The following GRID2 variants were observed in gnomAD, a reference collection of about 807,000 sequenced individuals.
The protein encoded by GRID2 is glutamate receptor ionotropic, delta-2.
Under a neutral mutation model 114.8 loss-of-function variants are expected in GRID2, and 33 were observed. The ratio of observed to expected loss-of-function variants is 0.29; its 90% CI spans 0.22 to 0.38. The LOEUF (loss-of-function observed/expected upper bound fraction) is 0.38, where lower values mean the gene tolerates loss of function less well. GRID2 is among the 10% of genes least tolerant of loss of function. GRID2 has a pLI of 1.00. For synonymous variants in GRID2, 505 were observed against 449.9 expected, an observed-to-expected ratio of 1.12 and a Z score of -1.55; for missense variants, 1,184 against 1,257.7, an observed-to-expected ratio of 0.94 and a Z score of 0.89.
In GRID2 at chr4:93,609,180, T is replaced by A. The variant is rs956531890; in HGVS notation, c.2194-17089T>A. 2.9e-5 allele frequency among the ~76,000 whole-genome samples: 3 copies of A among 105,122 alleles called. No homozygotes were observed. In the South Asian group the frequency reaches 9.4e-4, roughly 33 times the overall value. 69.0% of individuals were successfully genotyped at this position (105,122 alleles called of 152,430 possible). ...GATTGTTTGTTTTTTTCTTGTAAATTTGTTTGAGTTCATTGTAGATTCTGG... is the reference window on the plus strand; with the variant it reads ...GATTGTTTGTTTTTTTCTTGTAAATATGTTTGAGTTCATTGTAGATTCTGG... On this transcript the variant is annotated intron_variant, in intron 13 of 15. Transcript: ENST00000282020.
chr4:92,395,539 C>T (rs1308438554), intron 1 of GRID2, among the ~76,000 whole-genome samples: 1 of 151,564 alleles, frequency 6.6e-6, no homozygotes, highest in African/African-American at 2.4e-5. Context: ...TAAGCACAAC[C>T]AAAGCTCAAC....
intron 13 of GRID2, among the ~76,000 whole-genome samples, chr4:93,620,064 A>G (rs1041526125): frequency 2.0e-5 from 3 of 152,176 alleles, no homozygotes; most frequent in Non-Finnish European, 2.9e-5. Flanking sequence ...GCAAGTTACA[A>G]TTACCTCACC....
intron 13 of GRID2, among the ~76,000 whole-genome samples, chr4:93,574,365 A>G (rs1423112318): frequency 1.2e-4 from 19 of 152,158 alleles, no homozygotes; most frequent in Admixed American, 1.2e-3. Flanking sequence ...ATCTTATTAA[A>G]ATGGCTGTGG....
intron 1 of GRID2, among the ~76,000 whole-genome samples, chr4:92,496,409 A>G (rs546735562): frequency 8.6e-5 from 13 of 152,010 alleles, no homozygotes; most frequent in Middle Eastern, 3.4e-3. Context: ...ATGAGCAGTA[A>G]AGAAGGTCTG....
At chr4:93,066,100 G>A (rs13126969) in intron 2 of GRID2, among the ~76,000 whole-genome samples, 58,741 of 151,522 alleles carry the variant, frequency 0.39, 11,784 homozygotes, top group Middle Eastern at 0.53. Context: ...TAGAACCAGA[G>A]TTAATACTCA....
chr4:92,616,290 G>A (rs1387811155), intron 2 of GRID2, among the ~76,000 whole-genome samples: 2 of 151,312 alleles, frequency 1.3e-5, no homozygotes. Flanking sequence ...ATTTGTTTAA[G>A]CAGTGTCTTT....
chr4:92,938,139 A>G (rs1003268241), intron 2 of GRID2, among the ~76,000 whole-genome samples: 1 of 146,920 alleles, frequency 6.8e-6, no homozygotes, highest in African/African-American at 2.4e-5. Context: ...AATATGGTAT[A>G]GTACATTGAT....
intron 2 of GRID2, among the ~76,000 whole-genome samples, chr4:92,916,062 C>T (rs534428021): frequency 6.6e-6 from 1 of 152,186 alleles, no homozygotes; most frequent in South Asian, 2.1e-4. Flanking sequence ...TGCGTAAACT[C>T]TTTAGTGTAA....
intron 2 of GRID2, among the ~76,000 whole-genome samples, chr4:92,614,332 A>AT (rs965473271): frequency 1.3e-5 from 2 of 151,376 alleles, no homozygotes; most frequent in African/African-American, 4.8e-5. Context: ...GACTTAGGAT[A>AT]TTTTTTTCTT....
At chr4:93,764,406 G>A (rs1578763261) in intron 14 of GRID2, among the ~76,000 whole-genome samples, 1 of 152,116 alleles carries the variant, frequency 6.6e-6, no homozygotes, top group Admixed American at 6.6e-5. Context: ...GATCATATGG[G>A]CATGTAATTC....
At chr4:92,530,050 T>A (rs1384465462) in intron 1 of GRID2, among the ~76,000 whole-genome samples, 2 of 134,622 alleles carry the variant, frequency 1.5e-5, no homozygotes, top group African/African-American at 7.5e-5. Flanking sequence ...TAAGAAGGGT[T>A]TTTTTTTTTT....
At chr4:93,426,248 C>T (rs1768838616) in intron 10 of GRID2, among the ~76,000 whole-genome samples, 2 of 152,066 alleles carry the variant, frequency 1.3e-5, no homozygotes, top group South Asian at 4.1e-4. Flanking sequence ...ACAAAATGGG[C>T]AATCGTCAGT....
chr4:93,070,970 C>T (rs373032646), intron 2 of GRID2, among the ~76,000 whole-genome samples: 10 of 152,006 alleles, frequency 6.6e-5, no homozygotes, highest in Non-Finnish European at 1.2e-4. Flanking sequence ...CTCTTCTATA[C>T]GCCAAGCATA....
intron 1 of GRID2, among the ~76,000 whole-genome samples, chr4:92,483,785 A>C (rs1169256286): frequency 6.6e-6 from 1 of 152,186 alleles, no homozygotes; most frequent in Non-Finnish European, 1.5e-5. Context: ...TAGGGAGGTA[A>C]ACAAGCAACA....
intron 2 of GRID2, among the ~76,000 whole-genome samples, chr4:92,804,093 G>A (rs1340481361): frequency 6.6e-6 from 1 of 151,906 alleles, no homozygotes; most frequent in East Asian, 2.0e-4. Flanking sequence ...GTGTGTATCT[G>A]CATCCAAATT....
intron 14 of GRID2, among the ~76,000 whole-genome samples, chr4:93,768,129 T>C (rs1314907808): frequency 1.3e-5 from 2 of 152,136 alleles, no homozygotes; most frequent in African/African-American, 4.8e-5. Context: ...CTGTCCACAC[T>C]CTACAAACTC....
chr4:92,652,960 A>G (rs1732037506), intron 2 of GRID2, among the ~76,000 whole-genome samples: 1 of 144,178 alleles, frequency 6.9e-6, no homozygotes, highest in Admixed American at 7.1e-5. Flanking sequence ...AAATATATAT[A>G]AACATATTTA....
chr4:92,907,051 A>G (rs1190967753), intron 2 of GRID2, among the ~76,000 whole-genome samples: 1 of 152,190 alleles, frequency 6.6e-6, no homozygotes, highest in East Asian at 1.9e-4. Flanking sequence ...TGTTTGCTCC[A>G]TAAGAATACA....
intron 1 of GRID2, among the ~76,000 whole-genome samples, chr4:92,581,768 C>T (rs758681729): frequency 1.3e-5 from 2 of 151,988 alleles, no homozygotes; most frequent in Non-Finnish European, 1.5e-5. Context: ...TTGAAGAAAA[C>T]AGAATTTAAA....
Sources: gnomAD v4.1 joint callset for allele counts (sites outside exome capture counted in the v4.1 genomes callset) on GRCh38, gnomAD v4.1.1 for gene constraint, MANE v1.5 for transcripts, NCBI Gene and HGNC (gene_info 2026-07-23, HGNC 2026-07-21) for gene names.